The following NUP98 variants were observed in gnomAD, a reference collection of about 807,000 sequenced individuals.
NUP98 encodes nuclear pore complex protein Nup98-Nup96.
In NUP98, 26 loss-of-function variants were observed where a neutral mutation model predicts 191.9. The observed-to-expected ratio is 0.14, with a 90% confidence interval of 0.10 to 0.19. The LOEUF (loss-of-function observed/expected upper bound fraction) is 0.19, where lower values mean the gene tolerates loss of function less well. NUP98 is among the 10% of genes least tolerant of loss of function. The pLI is 1.00. For synonymous variants in NUP98, 808 were observed against 778.4 expected (o/e 1.04, Z -0.63); for missense variants, 1,941 against 2,178.8 (o/e 0.89, Z 2.17).
intron 10 of NUP98, among the ~76,000 whole-genome samples, chr11:3,758,601 AC>A (rs2081058491): frequency 6.6e-6 from 1 of 152,140 alleles, no homozygotes; most frequent in African/African-American, 2.4e-5. Context: ...CCTCGCCAAC[AC>A]GGTGAAACCC....
At chr11:3,705,767 A>G (rs558988003) in intron 21 of NUP98, among the ~76,000 whole-genome samples, 77 of 152,310 alleles carry the variant, frequency 5.1e-4, no homozygotes, top group South Asian at 1.0e-3. Flanking sequence ...TCTTAAAAGT[A>G]CCCTGTGATG....
At chr11:3,790,172 CTG>C (rs1462636620) in intron 1 of NUP98, among the ~76,000 whole-genome samples, 2 of 152,226 alleles carry the variant, frequency 1.3e-5, no homozygotes, top group African/African-American at 4.8e-5. Flanking sequence ...TGATGAGTGA[CTG>C]TAACATTTAC....
At chr11:3,682,568 C>T (rs1241843278) in intron 30 of NUP98, among the ~76,000 whole-genome samples, 1 of 152,178 alleles carries the variant, frequency 6.6e-6, no homozygotes, top group African/African-American at 2.4e-5. Flanking sequence ...CCAGAATATG[C>T]ACATTTATCA....
At chr11:3,719,367 AT>A (rs764996889) in intron 18 of NUP98, 44 bp downstream of exon 18, 3 of 1,529,568 alleles carry the variant, frequency 2.0e-6, no homozygotes, top group South Asian at 2.5e-5. Context: ...AGAAAAAAAA[AT>A]TGTGATTTAG....
intron 12 of NUP98, among the ~76,000 whole-genome samples, chr11:3,742,445 A>C (rs531230932): frequency 6.6e-6 from 1 of 152,280 alleles, no homozygotes; most frequent in Non-Finnish European, 1.5e-5. Flanking sequence ...TCACACCTGT[A>C]ATCTCAGAAC....
At chr11:3,709,124 G>A (rs1050800323) in intron 20 of NUP98, among the ~76,000 whole-genome samples, 3 of 152,178 alleles carry the variant, frequency 2.0e-5, no homozygotes, top group Admixed American at 2.0e-4. Context: ...ATTCAACAGA[G>A]TGAATGACAA....
Position 3,712,452 on chromosome 11 carries a change from T to G in NUP98, c.2742+112A>C, listed in dbSNP as rs113258937. The G allele has an allele frequency of 9.0e-4, 1,372 of 1,523,504 alleles. 13 individuals are homozygous for G. In the African/African-American group the frequency reaches 0.016, roughly 18 times the overall value. The allele number at this position is 1,523,504 out of a possible 1,614,324, so 94.4% of individuals were successfully genotyped here. On this transcript the variant is annotated intron_variant, in intron 20 of 32. Coordinates refer to ENST00000324932, the MANE Select transcript of NUP98 (RefSeq NM_016320.5). ...TTGTTTCAACGTGATTGCCAATGTTTGTACTCTTCAAAGTTCCAAGGGTCA... is the reference window on the plus strand; with the variant it reads ...TTGTTTCAACGTGATTGCCAATGTTGGTACTCTTCAAAGTTCCAAGGGTCA...
intron 1 of NUP98, among the ~76,000 whole-genome samples, chr11:3,790,873 G>GT (rs1159953908): frequency 6.6e-6 from 1 of 150,740 alleles, no homozygotes; most frequent in Non-Finnish European, 1.5e-5. Flanking sequence ...AAATGTAGTT[G>GT]TTTTTCTCAT....
chr11:3,791,140 C>T (rs1449338943), intron 1 of NUP98, among the ~76,000 whole-genome samples: 1 of 151,972 alleles, frequency 6.6e-6, no homozygotes, highest in African/African-American at 2.4e-5. Flanking sequence ...TGTGATCCGC[C>T]CCCCTCAGCC....
chr11:3,689,873 G>C (rs1180002196), intron 28 of NUP98, among the ~76,000 whole-genome samples: 2 of 151,140 alleles, frequency 1.3e-5, no homozygotes, highest in Admixed American at 6.6e-5. Flanking sequence ...CTGGGCTCAA[G>C]TGATCTGCTG....
intron 7 of NUP98, among the ~76,000 whole-genome samples, chr11:3,771,198 T>G (rs139230953): frequency 6.6e-6 from 1 of 152,146 alleles, no homozygotes; most frequent in South Asian, 2.1e-4. Context: ...TAACACCTCT[T>G]ATGTTGATAA....
chr11:3,747,757 C>A lies in NUP98; in HGVS notation c.1268-3108G>T, dbSNP rs1225821877. On this transcript the variant is annotated intron_variant, in intron 11 of 32. Coordinates refer to ENST00000324932, the MANE Select transcript of NUP98 (RefSeq NM_016320.5). ...AAATAAGAAGCTGCAGAGAAACACC[C>A]ACTTAGCTATTGCCTCCCAAAAATA... 2.6e-5 allele frequency among the ~76,000 whole-genome samples: 4 copies of A among 152,180 alleles called. No individual in the cohort carries two copies. In the East Asian group the frequency reaches 7.7e-4, roughly 29 times the overall value.
chr11:3,712,726 G>A lies in NUP98; in HGVS notation c.2580C>T (p.Val860=). 6.2e-7 allele frequency: 1 copy of A among 1,612,130 alleles called. No homozygotes were observed. Among genetic ancestry groups the A allele is most frequent in the Non-Finnish European group, 8.5e-7 (1 of 1,179,804 alleles). ...RPETGSWVFK[V]SHFSKYGLQD... is the part of the protein sequence containing the mutation. ...GAAGGCCATACTTAGAAAAATGGGAGACCTAAGGAAGAGAAGAACCCCACA... is the reference window on the plus strand; with the variant it reads ...GAAGGCCATACTTAGAAAAATGGGAAACCTAAGGAAGAGAAGAACCCCACA... Residue 860 remains valine (V), a splice_region_variant and synonymous_variant, in exon 20 of 33, where the codon GTC becomes GTT. Coordinates refer to ENST00000324932, the MANE Select transcript of NUP98 (RefSeq NM_016320.5).
At chr11:3,748,828 C>T (rs2080610895) in intron 11 of NUP98, among the ~76,000 whole-genome samples, 2 of 151,866 alleles carry the variant, frequency 1.3e-5, no homozygotes, top group Non-Finnish European at 2.9e-5. Context: ...TTAGGGATCA[C>T]ACTGTACAAC....
chr11:3,725,681 T>C (rs1050920427), intron 14 of NUP98, among the ~76,000 whole-genome samples: 1 of 152,268 alleles, frequency 6.6e-6, no homozygotes, highest in African/African-American at 2.4e-5. Context: ...AAAAAGTTTT[T>C]TCTTTTTACT....
chr11:3,695,090 G>T (rs752896876), intron 26 of NUP98, among the ~76,000 whole-genome samples: 3 of 152,138 alleles, frequency 2.0e-5, no homozygotes, highest in Non-Finnish European at 1.5e-5. Flanking sequence ...TTGAACTTAG[G>T]AGATGGAGGA....
In NUP98 at chr11:3,702,584, C is replaced by T. The variant is rs2078742549; in HGVS notation, c.3391G>A (p.Gly1131Ser). 1 of 1,614,074 alleles carries T rather than the reference C, an allele frequency of 6.2e-7. No individual in the cohort carries two copies. The highest frequency in any genetic ancestry group is 8.5e-7 in the Non-Finnish European group (1 of 1,180,020). Residue 1131 changes from glycine (G) to serine (S), a missense_variant, in exon 23 of 33, where the codon GGC becomes AGC. Physicochemically the swap from Gly to Ser is moderately conservative, Grantham distance 56. Transcript: ENST00000324932. ...CTATTAGCAAGAGTCCAGTTGGGGCCCCAACCAACACGAAATGAGCGTCCC... is the reference window on the plus strand; with the variant it reads ...CTATTAGCAAGAGTCCAGTTGGGGCTCCAACCAACACGAAATGAGCGTCCC... ...FMGRSFRVGW[G>S]PNWTLANSGE...
intron 10 of NUP98, among the ~76,000 whole-genome samples, chr11:3,753,858 C>T (rs1414417305): frequency 7.1e-6 from 1 of 141,702 alleles, no homozygotes; most frequent in Non-Finnish European, 1.5e-5. Context: ...AAAATCGTTT[C>T]AACCCAGGAG....
intron 12 of NUP98, among the ~76,000 whole-genome samples, chr11:3,736,248 A>G (rs1224463196): frequency 6.6e-6 from 1 of 152,190 alleles, no homozygotes; most frequent in Non-Finnish European, 1.5e-5. Context: ...TTTTAACCTC[A>G]TAATTTTAAT....
Sources: gnomAD v4.1 joint callset for allele counts (sites outside exome capture counted in the v4.1 genomes callset) on GRCh38, gnomAD v4.1.1 for gene constraint, MANE v1.5 for transcripts, NCBI Gene and HGNC (gene_info 2026-07-23, HGNC 2026-07-21) for gene names.